Variants in GPHN observed in about 807,000 individuals in gnomAD.
GPHN encodes gephyrin.
A neutral mutation model predicts 95.5 loss-of-function variants in GPHN; 17 were observed. That is an observed-to-expected ratio of 0.18 (90% CI 0.12 to 0.27). The LOEUF is 0.27. Among genes scored for constraint, GPHN ranks in the 10% least tolerant of loss-of-function variants. GPHN has a pLI of 1.00. For missense variants in GPHN, 660 were observed against 978.1 expected (o/e 0.67, Z 4.34); for synonymous variants, 320 against 322.5 (o/e 0.99, Z 0.08).
intron 10 of GPHN, among the ~76,000 whole-genome samples, chr14:67,038,478 A>G (rs2074540108): frequency 6.6e-6 from 1 of 152,188 alleles, no homozygotes; most frequent in Non-Finnish European, 1.5e-5. Context: ...CATCTGGAAA[A>G]TGTATTAAAA....
chr14:66,554,244 C>A (rs1163971494), intron 1 of GPHN, among the ~76,000 whole-genome samples: 2 of 152,110 alleles, frequency 1.3e-5, no homozygotes, highest in African/African-American at 4.8e-5. Flanking sequence ...AGGTTAGGTT[C>A]TATAGAACAA....
At chr14:66,777,099 G>A (rs1385341578) in intron 3 of GPHN, among the ~76,000 whole-genome samples, 2 of 149,794 alleles carry the variant, frequency 1.3e-5, no homozygotes, top group Admixed American at 6.6e-5. Flanking sequence ...AAAAAAAAGA[G>A]AGAAGAATCA....
At chr14:67,642,575 A>G in the GPHN span, among the ~76,000 whole-genome samples, 1 of 152,152 alleles carries the variant, frequency 6.6e-6, no homozygotes, top group Non-Finnish European at 1.5e-5. Context: ...TTGCACAGTA[A>G]GAATATGTAC....
intron 2 of GPHN, among the ~76,000 whole-genome samples, chr14:66,698,661 T>C (rs2068285807): frequency 6.6e-6 from 1 of 152,228 alleles, no homozygotes; most frequent in Non-Finnish European, 1.5e-5. Flanking sequence ...GTGGTTTCAC[T>C]GTACAACAGC....
intron 8 of GPHN, among the ~76,000 whole-genome samples, chr14:66,954,368 A>T (rs2068338624): frequency 6.6e-6 from 1 of 152,148 alleles, no homozygotes; most frequent in Non-Finnish European, 1.5e-5. Context: ...TTTACTCTGC[A>T]TATTTTATTC....
At chr14:67,729,160 C>A in the GPHN span, 4 of 1,608,740 alleles carry the variant, frequency 2.5e-6, no homozygotes, top group Non-Finnish European at 2.5e-6. Context: ...CAGAGTGTGT[C>A]CCTGATCTAA....
At chr14:67,519,753 C>G in the GPHN span, among the ~76,000 whole-genome samples, 1 of 149,354 alleles carries the variant, frequency 6.7e-6, no homozygotes, top group Admixed American at 6.7e-5. Context: ...GACAGGTTCT[C>G]GTTCTGTTGC....
At chr14:66,704,903 T>C (rs1382681265) in intron 2 of GPHN, among the ~76,000 whole-genome samples, 1 of 151,948 alleles carries the variant, frequency 6.6e-6, no homozygotes, top group Non-Finnish European at 1.5e-5. Flanking sequence ...ATTAACACAG[T>C]AGATAGACTG....
chr14:66,533,195 G>C (rs981135537), intron 1 of GPHN, among the ~76,000 whole-genome samples: 6 of 152,150 alleles, frequency 3.9e-5, no homozygotes, highest in South Asian at 2.1e-4. Flanking sequence ...TTCTACTGGT[G>C]TGTAAGCAAA....
intron 8 of GPHN, among the ~76,000 whole-genome samples, chr14:66,936,080 C>G (rs1475857529): frequency 6.6e-6 from 1 of 152,012 alleles, no homozygotes; most frequent in East Asian, 1.9e-4. Flanking sequence ...AAACTCTCCT[C>G]AAAAATGAGA....
chr14:67,303,484 A>G, the GPHN span: 1 of 1,485,146 alleles, frequency 6.7e-7, no homozygotes, highest in Admixed American at 1.7e-5. Flanking sequence ...ATTTTCATAA[A>G]TGCAAATTTA....
At chr14:66,596,785 A>C (rs1348778255) in intron 1 of GPHN, among the ~76,000 whole-genome samples, 1 of 152,190 alleles carries the variant, frequency 6.6e-6, no homozygotes, top group South Asian at 2.1e-4. Context: ...GACGGCTACA[A>C]CTGCGCCCGG....
At chr14:67,643,852 T>A in the GPHN span, among the ~76,000 whole-genome samples, 33 of 81,206 alleles carry the variant, frequency 4.1e-4, no homozygotes, top group African/African-American at 8.2e-4. Flanking sequence ...TCCTTGGGAG[T>A]AAAAAAAAAA....
Position 67,181,629 on chromosome 14 carries a change from C to A in GPHN, c.*692C>A. On this transcript the variant is annotated 3_prime_UTR_variant, in exon 23 of 23. Transcript: ENST00000478722. ...TTTAACCAATACATTTAAAATTGTACAGAACAAAAAAATAAAATCAAAGAC... is the reference window on the plus strand; with the variant it reads ...TTTAACCAATACATTTAAAATTGTAAAGAACAAAAAAATAAAATCAAAGAC... 2 of 334,718 alleles carry A rather than the reference C, an allele frequency of 6.0e-6. No individual in the cohort carries two copies. Among genetic ancestry groups the A allele is most frequent in the African/African-American group, 2.2e-5 (1 of 45,942 alleles). The allele number at this position is 334,718 out of a possible 1,614,324, so 20.7% of individuals were successfully genotyped here. A position where few individuals can be genotyped will look rare whatever the true frequency, so the allele number is the denominator to read the frequency against.
chr14:67,677,307 C>A, the GPHN span: 1 of 149,248 alleles, frequency 6.7e-6, no homozygotes, highest in Non-Finnish European at 1.5e-5. Context: ...CAATATCAGT[C>A]CCTAAGATAA....
chr14:67,004,962 T>C (rs749130680), intron 9 of GPHN, among the ~76,000 whole-genome samples: 2 of 151,770 alleles, frequency 1.3e-5, no homozygotes, highest in Non-Finnish European at 3.0e-5. Context: ...TAATCGGCTT[T>C]ATTGAGTTAC....
chr14:66,826,856 C>CGAG (rs2061404630), intron 4 of GPHN, among the ~76,000 whole-genome samples: 1 of 152,162 alleles, frequency 6.6e-6, no homozygotes, highest in African/African-American at 2.4e-5. Context: ...TCCAACCTCA[C>CGAG]CCCTCAGTGA....
At chr14:67,061,591 C>A (rs1166013153) in intron 11 of GPHN, among the ~76,000 whole-genome samples, 4 of 152,078 alleles carry the variant, frequency 2.6e-5, no homozygotes, top group Non-Finnish European at 5.9e-5. Flanking sequence ...TCTTCTCTTA[C>A]CTCCTTATCA....
the GPHN span, among the ~76,000 whole-genome samples, chr14:67,679,407 T>TG: frequency 6.6e-6 from 1 of 151,070 alleles, no homozygotes; most frequent in Non-Finnish European, 1.5e-5. Flanking sequence ...ATTCCAAGTT[T>TG]TTTTTTTTTT....
Sources: gnomAD v4.1 joint callset for allele counts (sites outside exome capture counted in the v4.1 genomes callset) on GRCh38, gnomAD v4.1.1 for gene constraint, MANE v1.5 for transcripts, NCBI Gene and HGNC (gene_info 2026-07-23, HGNC 2026-07-21) for gene names.